The following CACNA1E variants were observed in gnomAD, a reference collection of about 807,000 sequenced individuals.
The protein encoded by CACNA1E is calcium voltage-gated channel subunit alpha1 E.
Under a neutral mutation model 259.2 loss-of-function variants are expected in CACNA1E, and 40 were observed. That is an observed-to-expected ratio of 0.15 (90% CI 0.12 to 0.20). The LOEUF is 0.20. CACNA1E is among the 10% of genes least tolerant of loss of function. The pLI, the probability that CACNA1E is intolerant of heterozygous loss-of-function variation, is 1.00. For synonymous variants in CACNA1E, 1,104 were observed against 1,138.5 expected, an observed-to-expected ratio of 0.97 and a Z score of 0.61; for missense variants, 1,874 against 3,040.1, an observed-to-expected ratio of 0.62 and a Z score of 9.02.
chr1:181,476,179 C>T (rs1011883977), intron 2 of CACNA1E, among the ~76,000 whole-genome samples: 4 of 152,092 alleles, frequency 2.6e-5, no homozygotes, highest in Non-Finnish European at 4.4e-5. Context: ...AGTCTTAGAG[C>T]AATTTCTGTG....
intron 34 of CACNA1E, among the ~76,000 whole-genome samples, chr1:181,764,124 T>C (rs2332501): frequency 0.26 from 40,262 of 152,122 alleles, 5,408 homozygotes; most frequent in Middle Eastern, 0.34. Flanking sequence ...ATGTGTTTCC[T>C]CTGCACAGTC....
chr1:181,336,970 AT>A (rs1557922157), intron 1 of CACNA1E, among the ~76,000 whole-genome samples: 2 of 149,282 alleles, frequency 1.3e-5, no homozygotes, highest in East Asian at 3.9e-4. Context: ...AAATTAAAAT[AT>A]ATAATATAGA....
intron 47 of CACNA1E, among the ~76,000 whole-genome samples, chr1:181,797,761 A>G (rs1376127018): frequency 2.0e-5 from 3 of 152,240 alleles, no homozygotes. Flanking sequence ...GTATGGCCTG[A>G]GCCAACAACT....
chr1:181,734,744 TATCCTTGCCCTGACCCCATACCCC>T (rs1655873609), intron 21 of CACNA1E, among the ~76,000 whole-genome samples: 1 of 136,596 alleles, frequency 7.3e-6, no homozygotes, highest in Admixed American at 7.4e-5. Context: ...TTCCACACCC[TATCCTTGCCCTGACCCCATACCCC>T]ATCCCTGCCC....
intron 18 of CACNA1E, among the ~76,000 whole-genome samples, 160 bp from the exon 19 acceptor site, chr1:181,731,015 G>T (rs1655421400): frequency 6.6e-6 from 1 of 152,232 alleles, no homozygotes. Context: ...CTCCATTGGA[G>T]AATCGAATGT....
chr1:181,331,653 G>T (rs906186899), intron 1 of CACNA1E, among the ~76,000 whole-genome samples: 1 of 152,162 alleles, frequency 6.6e-6, no homozygotes, highest in Non-Finnish European at 1.5e-5. Context: ...TGCTTTACCA[G>T]TTCTCTAGGT....
intron 46 of CACNA1E, among the ~76,000 whole-genome samples, chr1:181,795,787 T>TATATATATATATATATATATATATATA (rs1410248740): frequency 3.3e-4 from 48 of 143,680 alleles, no homozygotes; most frequent in South Asian, 7.1e-4. Flanking sequence ...TATATATATA[T>TATATATATATATATATATATATATATA]TAGTCTGGCT....
intron 6 of CACNA1E, among the ~76,000 whole-genome samples, chr1:181,598,876 G>A (rs1273079816): frequency 6.6e-6 from 1 of 151,016 alleles, no homozygotes; most frequent in Non-Finnish European, 1.5e-5. Context: ...CACCATGACT[G>A]CTAGCCGTCT....
intron 37 of CACNA1E, among the ~76,000 whole-genome samples, chr1:181,774,211 A>G (rs1194424389): frequency 1.3e-5 from 2 of 152,282 alleles, no homozygotes; most frequent in Non-Finnish European, 2.9e-5. Context: ...AATGAAAGGC[A>G]GTAACAGTGC....
At chr1:181,404,627 G>T (rs893966867) in intron 1 of CACNA1E, among the ~76,000 whole-genome samples, 2 of 152,202 alleles carry the variant, frequency 1.3e-5, no homozygotes. Flanking sequence ...GATCAGACAC[G>T]CTTTGGAGGC....
chr1:181,737,454 T>C (rs1266021078), intron 22 of CACNA1E, 71 bp from the exon 23 acceptor site: 12 of 1,566,712 alleles, frequency 7.7e-6, no homozygotes, highest in Non-Finnish European at 1.0e-5. Context: ...AATATGTGTA[T>C]GTGGGAGTGA....
chr1:181,570,301 G>T (rs1041191293), intron 3 of CACNA1E, among the ~76,000 whole-genome samples: 1 of 151,982 alleles, frequency 6.6e-6, no homozygotes, highest in Non-Finnish European at 1.5e-5. Context: ...GGTGCAGGGG[G>T]ACTTAACCTT....
At chr1:181,574,194 C>T (rs1330858109) in intron 3 of CACNA1E, among the ~76,000 whole-genome samples, 2 of 152,138 alleles carry the variant, frequency 1.3e-5, no homozygotes, top group Non-Finnish European at 1.5e-5. Context: ...GGGCTTAATA[C>T]CTAGGTCACG....
At chr1:181,539,886 A>G (rs566017374) in intron 3 of CACNA1E, among the ~76,000 whole-genome samples, 2 of 152,314 alleles carry the variant, frequency 1.3e-5, no homozygotes, top group African/African-American at 2.4e-5. Context: ...TGTATTACTT[A>G]TTATAGGTCT....
rs71121088 is a variant in CACNA1E, at chr1:181,338,503, A to ATTTTTTTTTT, written c.-15+20385_-15+20394dup. Among the ~76,000 whole-genome samples, 3 of 141,508 alleles carry ATTTTTTTTTT rather than the reference A, an allele frequency of 2.1e-5. 1 individual carries two copies. Among genetic ancestry groups the ATTTTTTTTTT allele is most frequent in the African/African-American group, 7.8e-5 (3 of 38,678 alleles). 92.8% of individuals were successfully genotyped at this position (141,508 alleles called of 152,430 possible). On this transcript the variant is annotated intron_variant, in intron 1 of 11. Coordinates refer to the CACNA1E transcript ENST00000524607. ...AAATGTCTATTCAGGTCATTTACCC[A>ATTTTTTTTTT]TTTTTTTTTTTTTTGTGGCTAAGTT...
chr1:181,493,790 A>G (rs943795), intron 1 of CACNA1E, among the ~76,000 whole-genome samples: 54,042 of 152,148 alleles, frequency 0.36, 10,384 homozygotes, highest in African/African-American at 0.5. Flanking sequence ...GGATGGCACA[A>G]GCAGAGGGAA....
At chr1:181,447,204 C>CA (rs1660842652) in intron 2 of CACNA1E, among the ~76,000 whole-genome samples, 1 of 151,850 alleles carries the variant, frequency 6.6e-6, no homozygotes, top group Admixed American at 6.6e-5. Context: ...TGGGATTTTC[C>CA]CCCCCTATAA....
chr1:181,577,385 A>C (rs1651081529), intron 3 of CACNA1E, among the ~76,000 whole-genome samples: 2 of 152,292 alleles, frequency 1.3e-5, no homozygotes. Flanking sequence ...AACCTAAGAA[A>C]ATTTTGAAAT....
At chr1:181,484,439 C>T (rs1663599591) in intron 1 of CACNA1E, among the ~76,000 whole-genome samples, 1 of 152,216 alleles carries the variant, frequency 6.6e-6, no homozygotes, top group Non-Finnish European at 1.5e-5. Flanking sequence ...GGAGACACCG[C>T]ACTGTCTTCC....
Sources: allele counts gnomAD v4.1 joint callset (sites outside exome capture counted in the v4.1 genomes callset), GRCh38; gene constraint gnomAD v4.1.1; transcripts MANE v1.5; gene names NCBI Gene and HGNC (gene_info 2026-07-23, HGNC 2026-07-21).